The following SCHIP1 variants were observed in gnomAD, a reference collection of about 807,000 sequenced individuals.
SCHIP1 encodes the protein schwannomin interacting protein 1.
SCHIP1 carries 8 observed loss-of-function variants against 29.7 expected under a neutral mutation model. The observed-to-expected ratio is 0.27, with a 90% CI of 0.16 to 0.49. The LOEUF is 0.49. SCHIP1 is among the 20% of genes least tolerant of loss of function. SCHIP1 has a pLI of 0.99. For synonymous variants in SCHIP1, 76 were observed against 94.9 expected (o/e 0.80, Z 1.16); for missense variants, 193 against 294.6 (o/e 0.66, Z 2.52).
the SCHIP1 span, among the ~76,000 whole-genome samples, chr3:159,769,260 T>C: frequency 8.0e-6 from 1 of 124,680 alleles, no homozygotes; most frequent in African/African-American, 3.0e-5. Flanking sequence ...CAAAAGGCTC[T>C]GTGGACCTGT....
At chr3:159,555,144 C>T in the SCHIP1 span, among the ~76,000 whole-genome samples, 1 of 152,140 alleles carries the variant, frequency 6.6e-6, no homozygotes, top group Non-Finnish European at 1.5e-5. Flanking sequence ...TATTATATTA[C>T]CATCTTTCTA....
chr3:159,688,933 C>T, the SCHIP1 span, among the ~76,000 whole-genome samples: 1 of 152,062 alleles, frequency 6.6e-6, no homozygotes, highest in African/African-American at 2.4e-5. Flanking sequence ...TTTGTGAGGC[C>T]TCTGTTCTGT....
chr3:159,719,030 CAG>C, the SCHIP1 span, among the ~76,000 whole-genome samples: 1 of 152,274 alleles, frequency 6.6e-6, no homozygotes, highest in African/African-American at 2.4e-5. Context: ...GGTACCAAAA[CAG>C]AGATATAGAC....
At chr3:159,478,071 C>T in the SCHIP1 span, among the ~76,000 whole-genome samples, 2 of 151,764 alleles carry the variant, frequency 1.3e-5, no homozygotes, top group African/African-American at 2.4e-5. Flanking sequence ...TACAGGCACA[C>T]ACCACCACGT....
intron 1 of SCHIP1, among the ~76,000 whole-genome samples, chr3:159,855,140 C>T (rs561716707): frequency 5.3e-4 from 81 of 152,300 alleles, no homozygotes; most frequent in African/African-American, 1.9e-3. Flanking sequence ...CATTATGTTC[C>T]GGATCTTAAA....
chr3:159,675,962 T>A, the SCHIP1 span, among the ~76,000 whole-genome samples: 1 of 151,612 alleles, frequency 6.6e-6, no homozygotes, highest in African/African-American at 2.4e-5. Flanking sequence ...AGAAACTCCG[T>A]CTCTATTAAA....
At chr3:159,657,655 G>A in the SCHIP1 span, among the ~76,000 whole-genome samples, 9,515 of 152,296 alleles carry the variant, frequency 0.062, 428 homozygotes, top group Non-Finnish European at 0.086. Flanking sequence ...CCTTCCAGGC[G>A]TAAGTTTAAC....
At chr3:159,360,560 T>G in the SCHIP1 span, among the ~76,000 whole-genome samples, 12 of 152,320 alleles carry the variant, frequency 7.9e-5, no homozygotes, top group African/African-American at 2.6e-4. Context: ...GGTTTAGGTT[T>G]CGAGCTATGA....
chr3:159,469,162 A>T, the SCHIP1 span, among the ~76,000 whole-genome samples: 1 of 152,114 alleles, frequency 6.6e-6, no homozygotes, highest in Non-Finnish European at 1.5e-5. Flanking sequence ...AACCCCTGGG[A>T]GCTAACATTA....
the SCHIP1 span, among the ~76,000 whole-genome samples, chr3:159,613,455 T>C: frequency 6.6e-6 from 1 of 152,242 alleles, no homozygotes; most frequent in African/African-American, 2.4e-5. Context: ...TTTGTCAAAA[T>C]TTGTTTTCTC....
At chr3:159,863,734 G>A (rs1436019265) in intron 1 of SCHIP1, among the ~76,000 whole-genome samples, 1 of 151,870 alleles carries the variant, frequency 6.6e-6, no homozygotes, top group Non-Finnish European at 1.5e-5. Flanking sequence ...GAGACAGAGA[G>A]AGAAGGAGAG....
the SCHIP1 span, among the ~76,000 whole-genome samples, chr3:159,306,296 G>A: frequency 7.6e-6 from 1 of 131,964 alleles, no homozygotes; most frequent in Non-Finnish European, 1.8e-5. Flanking sequence ...CCCACCATGA[G>A]GAGTATTTAA....
the SCHIP1 span, among the ~76,000 whole-genome samples, chr3:159,432,038 G>T: frequency 6.6e-6 from 1 of 152,180 alleles, no homozygotes; most frequent in Non-Finnish European, 1.5e-5. Flanking sequence ...AACAGTTGCT[G>T]TGGGTCAGGA....
At chr3:159,557,043 C>T in the SCHIP1 span, among the ~76,000 whole-genome samples, 7 of 151,858 alleles carry the variant, frequency 4.6e-5, no homozygotes, top group South Asian at 6.2e-4. Context: ...CCACAAGCTC[C>T]GCCTCCCGGG....
the SCHIP1 span, among the ~76,000 whole-genome samples, chr3:159,419,866 C>T: frequency 3.9e-5 from 6 of 152,088 alleles, no homozygotes; most frequent in South Asian, 2.1e-4. Context: ...ACAGTCATAA[C>T]GTAATTGTCA....
At chr3:159,339,193 A>G in the SCHIP1 span, among the ~76,000 whole-genome samples, 1 of 151,964 alleles carries the variant, frequency 6.6e-6, no homozygotes. Flanking sequence ...CAGAAACTAC[A>G]AAGGCCTTTG....
At chr3:159,570,086 T>C in the SCHIP1 span, among the ~76,000 whole-genome samples, 1 of 152,242 alleles carries the variant, frequency 6.6e-6, no homozygotes, top group African/African-American at 2.4e-5. Context: ...TCTCCCATTC[T>C]GTAGGTTGCC....
chr3:159,874,891 C>T (rs900043106), intron 2 of SCHIP1, among the ~76,000 whole-genome samples: 1 of 152,042 alleles, frequency 6.6e-6, no homozygotes, highest in African/African-American at 2.4e-5. Flanking sequence ...ATATTAGTCT[C>T]ATACATATAT....
the SCHIP1 span, among the ~76,000 whole-genome samples, chr3:159,758,474 C>T: frequency 1.3e-5 from 2 of 152,128 alleles, no homozygotes; most frequent in African/African-American, 2.4e-5. Context: ...TTGAGAATTG[C>T]TAGCAACTTA....
Sources: allele counts gnomAD v4.1 joint callset (sites outside exome capture counted in the v4.1 genomes callset), GRCh38; gene constraint gnomAD v4.1.1; transcripts MANE v1.5; gene names NCBI Gene and HGNC (gene_info 2026-07-23, HGNC 2026-07-21).